Variants in ROBO2 observed in about 807,000 individuals in gnomAD.
The protein encoded by ROBO2 is roundabout guidance receptor 2, also known as roundabout homolog 2.
In ROBO2, 53 loss-of-function variants were observed where a neutral mutation model predicts 160.8. The observed-to-expected ratio is 0.33, with a 90% CI of 0.26 to 0.41. ROBO2 has a LOEUF of 0.41. ROBO2 is among the 10% of genes least tolerant of loss of function. ROBO2 has a pLI of 1.00. For synonymous variants in ROBO2, 664 were observed against 611.7 expected, an observed-to-expected ratio of 1.09 and a Z score of -1.26; for missense variants, 1,577 against 1,722.4, an observed-to-expected ratio of 0.92 and a Z score of 1.49.
At chr3:77,473,074 G>T (rs1258355788) in intron 2 of ROBO2, among the ~76,000 whole-genome samples, 1 of 151,940 alleles carries the variant, frequency 6.6e-6, no homozygotes, top group African/African-American at 2.4e-5. Context: ...GTATCTCCCA[G>T]GGTGCGACGA....
intron 2 of ROBO2, among the ~76,000 whole-genome samples, chr3:76,834,062 T>TTTACTTTC: frequency 1.1e-5 from 1 of 88,086 alleles, no homozygotes; most frequent in East Asian, 3.7e-4. Context: ...CCTTTCTTTC[T>TTTACTTTC]TTTCTTTCTT....
At chr3:77,021,427 A>G (rs1476972983) in intron 2 of ROBO2, among the ~76,000 whole-genome samples, 1 of 152,128 alleles carries the variant, frequency 6.6e-6, no homozygotes, top group Non-Finnish European at 1.5e-5. Context: ...CAAAGTACAC[A>G]AAAAACTTAG....
intron 2 of ROBO2, among the ~76,000 whole-genome samples, chr3:76,040,997 A>G (rs1220094278): frequency 1.3e-5 from 2 of 152,032 alleles, no homozygotes; most frequent in Non-Finnish European, 2.9e-5. Flanking sequence ...TCAAAAAACA[A>G]AATGAAACTT....
At chr3:76,550,770 T>G (rs2083367578) in intron 2 of ROBO2, among the ~76,000 whole-genome samples, 1 of 152,242 alleles carries the variant, frequency 6.6e-6, no homozygotes, top group Non-Finnish European at 1.5e-5. Context: ...TGGCACGACC[T>G]GGCTGAGTAT....
At chr3:76,425,746 A>G (rs1577105139) in intron 2 of ROBO2, among the ~76,000 whole-genome samples, 1 of 152,172 alleles carries the variant, frequency 6.6e-6, no homozygotes, top group East Asian at 1.9e-4. Context: ...CTCGGTGCCT[A>G]TAACCCCCGA....
At chr3:76,525,863 G>T (rs11917894) in intron 2 of ROBO2, among the ~76,000 whole-genome samples, 2,179 of 152,038 alleles carry the variant, frequency 0.014, 53 homozygotes, top group African/African-American at 0.049. Flanking sequence ...TGCTCATAAA[G>T]TAGACACTTT....
intron 2 of ROBO2, among the ~76,000 whole-genome samples, chr3:77,385,618 C>T (rs1457533846): frequency 6.6e-6 from 1 of 152,154 alleles, no homozygotes; most frequent in Non-Finnish European, 1.5e-5. Context: ...CTCTAGAAAT[C>T]TTTTACACCT....
chr3:77,526,329 C>A (rs1467557395), intron 6 of ROBO2, among the ~76,000 whole-genome samples: 1 of 151,442 alleles, frequency 6.6e-6, no homozygotes, highest in Non-Finnish European at 1.5e-5. Flanking sequence ...TCCTATCTTG[C>A]CCGAAGAGCC....
In ROBO2 at chr3:76,635,091, CG is replaced by C. The variant is rs1351419096; in HGVS notation, c.110-462919del. ...AAATCTGTCCCTAGCGCCAAAATGT[CG>C]GGGACCGCTGCTATTACAAATACTA... On this transcript the variant is annotated intron_variant, in intron 2 of 26. Transcript: ENST00000487694. 2.6e-5 allele frequency among the ~76,000 whole-genome samples: 4 copies of C among 152,274 alleles called. No individual in the cohort carries two copies. The East Asian group carries it at 7.7e-4, about 29-fold the overall frequency.
chr3:76,555,404 A>AAGAAGGAGAAGGGGAAGGG (rs2083689556), intron 2 of ROBO2, among the ~76,000 whole-genome samples: 1 of 73,124 alleles, frequency 1.4e-5, no homozygotes, highest in African/African-American at 2.9e-5. Flanking sequence ...AAGAAGAAGA[A>AAGAAGGAGAAGGGGAAGGG]GAAGAAGAAG....
intron 2 of ROBO2, among the ~76,000 whole-genome samples, chr3:77,123,944 C>A (rs541232048): frequency 7.1e-4 from 105 of 147,780 alleles, no homozygotes; most frequent in Non-Finnish European, 1.2e-3. Context: ...ACACTTGTAT[C>A]TATATAGATA....
chr3:76,057,866 T>C (rs1229408205), intron 2 of ROBO2, among the ~76,000 whole-genome samples: 1 of 152,180 alleles, frequency 6.6e-6, no homozygotes, highest in Non-Finnish European at 1.5e-5. Flanking sequence ...CATAAACAAA[T>C]GTTTTTGTTT....
At chr3:77,152,103 A>G (rs1022319841) in intron 2 of ROBO2, among the ~76,000 whole-genome samples, 3 of 152,320 alleles carry the variant, frequency 2.0e-5, no homozygotes, top group Admixed American at 2.0e-4. Flanking sequence ...TCAGCAGAGT[A>G]CATTTATGCT....
At chr3:77,446,890 T>C (rs2080587023) in intron 2 of ROBO2, among the ~76,000 whole-genome samples, 1 of 152,126 alleles carries the variant, frequency 6.6e-6, no homozygotes, top group South Asian at 2.1e-4. Context: ...AAAATCAATG[T>C]ACCTCATCTT....
At position 77,537,107 on chromosome 3, in the gene ROBO2, G is replaced by GT. The variant is rs1553650257; in HGVS notation, c.935-9231_935-9230insT. 5.1e-4 allele frequency among the ~76,000 whole-genome samples: 72 copies of GT among 142,550 alleles called. 2 individuals are homozygous for GT. The East Asian group carries it at 0.015, about 29-fold the overall frequency. 93.5% of individuals were successfully genotyped at this position (142,550 alleles called of 152,430 possible). ...AACATATACATATTTTGTGGGGGGG[G>GT]GGTGTATTACACTTACCAAAATAAA... On this transcript the variant is annotated intron_variant, in intron 6 of 25. Coordinates refer to ENST00000461745, the Ensembl canonical transcript of ROBO2.
intron 2 of ROBO2, among the ~76,000 whole-genome samples, chr3:77,252,831 A>AAAAATATATATATATATATATATAT: frequency 8.0e-5 from 1 of 12,516 alleles, no homozygotes; most frequent in Non-Finnish European, 2.1e-4. Context: ...AAAAAAAAAA[A>AAAAATATATATATATATATATATAT]ATATATATAT....
intron 6 of ROBO2, among the ~76,000 whole-genome samples, chr3:77,528,530 T>C (rs2091380580): frequency 6.6e-6 from 1 of 151,668 alleles, no homozygotes; most frequent in African/African-American, 2.4e-5. Context: ...CAATCTGACT[T>C]TCTGATCTGG....
upstream of ROBO2, among the ~76,000 whole-genome samples, chr3:77,035,819 T>G (rs75747274): frequency 0.03 from 4,540 of 152,044 alleles, 231 homozygotes; most frequent in African/African-American, 0.1. Context: ...TTTTTAATGC[T>G]TCACTTACTT....
chr3:77,095,995 CT>C (rs1321299166), intron 1 of ROBO2, among the ~76,000 whole-genome samples: 1 of 151,512 alleles, frequency 6.6e-6, no homozygotes, highest in Non-Finnish European at 1.5e-5. Context: ...TGTATACATT[CT>C]TTTTTGGTCT....
Sources: gnomAD v4.1 joint callset for allele counts (sites outside exome capture counted in the v4.1 genomes callset) on GRCh38, gnomAD v4.1.1 for gene constraint, MANE v1.5 for transcripts, NCBI Gene and HGNC (gene_info 2026-07-23, HGNC 2026-07-21) for gene names.